STK39: variants seen among roughly 807,000 people sequenced by gnomAD.
STK39 encodes serine/threonine kinase 39.
A neutral mutation model predicts 77.8 loss-of-function variants in STK39; 20 were observed. The ratio of observed to expected loss-of-function variants is 0.26; its 90% CI spans 0.18 to 0.37. The LOEUF is 0.37. STK39 is among the 10% of genes least tolerant of loss of function. STK39 has a pLI of 1.00. For synonymous variants in STK39, 246 were observed against 234.1 expected (o/e 1.05, Z -0.47); for missense variants, 479 against 656.5 (o/e 0.73, Z 2.95).
chr2:168,217,502 C>G (rs529598353), intron 1 of STK39, among the ~76,000 whole-genome samples: 2 of 152,262 alleles, frequency 1.3e-5, no homozygotes, highest in Non-Finnish European at 2.9e-5. Context: ...CACAGATTAT[C>G]CGATCCTTGG....
chr2:168,100,766 A>T (rs1051577267), intron 10 of STK39, among the ~76,000 whole-genome samples: 17 of 152,222 alleles, frequency 1.1e-4, no homozygotes, highest in Non-Finnish European at 1.5e-5. Context: ...GTGGGAGTGT[A>T]AATTAGTTCA....
chr2:168,043,149 G>A (rs947412448), intron 14 of STK39, among the ~76,000 whole-genome samples: 1 of 152,088 alleles, frequency 6.6e-6, no homozygotes, highest in East Asian at 1.9e-4. Flanking sequence ...ACAAAATACA[G>A]TTCAAAGCCC....
chr2:168,018,043 C>T (rs1338065269), intron 14 of STK39, among the ~76,000 whole-genome samples: 1 of 152,036 alleles, frequency 6.6e-6, no homozygotes, highest in East Asian at 1.9e-4. Flanking sequence ...ATATTAAATA[C>T]ATAAATATCT....
chr2:167,976,431 T>C (rs1683277815), intron 16 of STK39, among the ~76,000 whole-genome samples: 1 of 152,166 alleles, frequency 6.6e-6, no homozygotes, highest in Admixed American at 6.5e-5. Flanking sequence ...GTTTAAATGA[T>C]AACAGGCCTT....
chr2:168,067,042 C>A (rs1269472651), intron 12 of STK39, among the ~76,000 whole-genome samples: 1 of 152,066 alleles, frequency 6.6e-6, no homozygotes. Context: ...GGCAACATGG[C>A]GAAACTCCAT....
At chr2:168,139,356 T>C (rs1243192404) in intron 7 of STK39, among the ~76,000 whole-genome samples, 3 of 151,180 alleles carry the variant, frequency 2.0e-5, no homozygotes, top group Admixed American at 6.6e-5. Context: ...ATCCGGTATA[T>C]GTACCCACAC....
intron 5 of STK39, among the ~76,000 whole-genome samples, chr2:168,159,426 T>C (rs1191803203): frequency 6.6e-6 from 1 of 152,186 alleles, no homozygotes; most frequent in Non-Finnish European, 1.5e-5. Context: ...CAGAGACTCC[T>C]GGTCCTCATT....
intron 16 of STK39, among the ~76,000 whole-genome samples, 194 bp from the exon 17 acceptor site, chr2:167,964,920 G>C (rs890332343): frequency 1.3e-5 from 2 of 152,128 alleles, no homozygotes; most frequent in East Asian, 3.8e-4. Flanking sequence ...TATCATTTCA[G>C]CAATCTTGTA....
intron 14 of STK39, among the ~76,000 whole-genome samples, chr2:168,026,135 C>T (rs1442061275): frequency 6.6e-6 from 1 of 152,126 alleles, no homozygotes; most frequent in Non-Finnish European, 1.5e-5. Context: ...AGTCATAGTT[C>T]CAGTCATTAA....
At chr2:167,979,639 C>T (rs539510229) in intron 16 of STK39, among the ~76,000 whole-genome samples, 61 of 152,174 alleles carry the variant, frequency 4.0e-4, no homozygotes, top group Non-Finnish European at 7.8e-4. Context: ...GGCATTCTTG[C>T]AGGTCATCCA....
chr2:167,961,705 A>G (rs767458925), intron 17 of STK39, among the ~76,000 whole-genome samples: 4 of 152,218 alleles, frequency 2.6e-5, no homozygotes, highest in Non-Finnish European at 4.4e-5. Context: ...CATACCAACA[A>G]TGGAAATCCT....
intron 1 of STK39, among the ~76,000 whole-genome samples, chr2:168,198,933 T>C (rs947165186): frequency 2.0e-5 from 3 of 152,220 alleles, no homozygotes; most frequent in Non-Finnish European, 2.9e-5. Context: ...ATTCTAAAGG[T>C]GTCTTTCATT....
intron 14 of STK39, among the ~76,000 whole-genome samples, chr2:168,018,538 A>AAAGAAAGAAAGAAAG (rs766988582): frequency 9.4e-5 from 8 of 85,482 alleles, no homozygotes; most frequent in South Asian, 8.5e-4. Context: ...GAAAAGAAAG[A>AAAGAAAGAAAGAAAG]AAAGAAAGAA....
At chr2:168,121,850 C>T (rs1045201196) in intron 10 of STK39, among the ~76,000 whole-genome samples, 24 of 152,310 alleles carry the variant, frequency 1.6e-4, no homozygotes, top group Admixed American at 1.4e-3. Flanking sequence ...CACAGCAACA[C>T]AATGTAAGTA....
chr2:168,108,708 C>A (rs532683191), intron 10 of STK39, among the ~76,000 whole-genome samples: 2 of 152,280 alleles, frequency 1.3e-5, no homozygotes, highest in African/African-American at 4.8e-5. Context: ...ACTAAACTCA[C>A]TAACCCTTCT....
intron 10 of STK39, among the ~76,000 whole-genome samples, chr2:168,123,706 T>G (rs1278101259): frequency 6.6e-6 from 1 of 151,810 alleles, no homozygotes; most frequent in African/African-American, 2.4e-5. Context: ...CCGTCTCTTC[T>G]AAAAATATAA....
chr2:168,063,453 T>C, intron 14 of STK39, 47 bp downstream of exon 14: 1 of 1,518,234 alleles, frequency 6.6e-7, no homozygotes, highest in Non-Finnish European at 9.0e-7. Flanking sequence ...ATTTAAAAAA[T>C]TGTACTATAG....
chr2:167,983,477 A>AAAGGAAGG lies in STK39; in HGVS notation c.1499-18759_1499-18752dup, dbSNP rs35073385. 2.1e-3 allele frequency among the ~76,000 whole-genome samples: 281 copies of AAAGGAAGG among 130,800 alleles called. 4 individuals are homozygous for AAAGGAAGG. Among genetic ancestry groups the AAAGGAAGG allele is most frequent in the Middle Eastern group, 0.019 (5 of 264 alleles). 85.8% of individuals were successfully genotyped at this position (130,800 alleles called of 152,430 possible). On this transcript the variant is annotated intron_variant, in intron 16 of 17. Coordinates refer to ENST00000355999, the MANE Select transcript of STK39 (RefSeq NM_013233.3). ...CCAAAAAAAAAAAAAAAAAGAAATG[A>AAAGGAAGG]AAGGAAGGAAGGAAGGAAGGAAGGA...
chr2:168,042,876 C>T (rs372227065), intron 14 of STK39, among the ~76,000 whole-genome samples: 38 of 152,276 alleles, frequency 2.5e-4, no homozygotes, highest in Non-Finnish European at 4.7e-4. Context: ...CTGCACCCAG[C>T]CACCTTCCTT....
Sources: allele counts gnomAD v4.1 joint callset (sites outside exome capture counted in the v4.1 genomes callset), GRCh38; gene constraint gnomAD v4.1.1; transcripts MANE v1.5; gene names NCBI Gene and HGNC (gene_info 2026-07-23, HGNC 2026-07-21).